GRIP1: variants seen among roughly 807,000 people sequenced by gnomAD.
GRIP1 encodes the protein glutamate receptor-interacting protein 1.
A neutral mutation model predicts 129.9 loss-of-function variants in GRIP1; 45 were observed. The observed-to-expected ratio is 0.35, with a 90% CI of 0.27 to 0.44. GRIP1 has a LOEUF of 0.44. GRIP1 is among the 20% of genes least tolerant of loss of function. The pLI is 1.00. For missense variants in GRIP1, 1,196 were observed against 1,396.8 expected, an observed-to-expected ratio of 0.86 and a Z score of 2.29; for synonymous variants, 530 against 520.8, an observed-to-expected ratio of 1.02 and a Z score of -0.24.
At chr12:66,988,101 T>A (rs2042340135) in intron 1 of GRIP1, among the ~76,000 whole-genome samples, 1 of 152,180 alleles carries the variant, frequency 6.6e-6, no homozygotes, top group South Asian at 2.1e-4. Context: ...AAGAGTTTCT[T>A]CTAGTAGCAA....
At chr12:66,643,345 A>C (rs1432740956) in intron 1 of GRIP1, among the ~76,000 whole-genome samples, 2 of 152,242 alleles carry the variant, frequency 1.3e-5, no homozygotes, top group Non-Finnish European at 2.9e-5. Context: ...TAAATATATT[A>C]GTGACAACTA....
At chr12:66,697,196 G>GA (rs1167519461) in intron 1 of GRIP1, among the ~76,000 whole-genome samples, 22 of 152,184 alleles carry the variant, frequency 1.4e-4, no homozygotes, top group African/African-American at 3.1e-4. Flanking sequence ...AATCTAAAGG[G>GA]AAAAAAGACC....
At chr12:66,391,742 T>C (rs1324012427) in intron 19 of GRIP1, among the ~76,000 whole-genome samples, 1 of 152,122 alleles carries the variant, frequency 6.6e-6, no homozygotes, top group Non-Finnish European at 1.5e-5. Flanking sequence ...TCTCAGCTAC[T>C]GAGGAGACTG....
At chr12:67,035,886 C>T (rs939836170) in intron 1 of GRIP1, among the ~76,000 whole-genome samples, 2 of 152,166 alleles carry the variant, frequency 1.3e-5, no homozygotes, top group Admixed American at 6.6e-5. Flanking sequence ...GTACCTCCTT[C>T]CCAAAGAGTA....
At chr12:66,948,132 G>A (rs1033876672) in intron 1 of GRIP1, among the ~76,000 whole-genome samples, 1 of 151,956 alleles carries the variant, frequency 6.6e-6, no homozygotes, top group East Asian at 1.9e-4. Context: ...CCAAGGCCAG[G>A]GTTTAAAGAA....
chr12:66,493,928 A>G (rs2060170601), intron 7 of GRIP1, among the ~76,000 whole-genome samples: 1 of 152,154 alleles, frequency 6.6e-6, no homozygotes, highest in Non-Finnish European at 1.5e-5. Context: ...CTAACACTTC[A>G]TTATGAAAAA....
chr12:66,650,760 C>T (rs984323521), intron 1 of GRIP1, among the ~76,000 whole-genome samples: 1 of 152,168 alleles, frequency 6.6e-6, no homozygotes, highest in African/African-American at 2.4e-5. Context: ...ACTCTTCCCT[C>T]AAACTACTAC....
chr12:66,883,999 T>G (rs1435502961), intron 1 of GRIP1, among the ~76,000 whole-genome samples: 3 of 152,244 alleles, frequency 2.0e-5, no homozygotes, highest in Non-Finnish European at 2.9e-5. Context: ...AGGGTGATCA[T>G]GCCAGTGCAC....
At chr12:66,829,640 G>T (rs1202644258) in intron 1 of GRIP1, among the ~76,000 whole-genome samples, 1 of 152,062 alleles carries the variant, frequency 6.6e-6, no homozygotes, top group African/African-American at 2.4e-5. Flanking sequence ...GAATGTTTTT[G>T]TCCAATAAGA....
chr12:66,651,289 G>A (rs928051513), intron 1 of GRIP1, among the ~76,000 whole-genome samples: 1 of 152,148 alleles, frequency 6.6e-6, no homozygotes, highest in African/African-American at 2.4e-5. Context: ...CCCTAAAGCA[G>A]GATCAATATT....
At chr12:66,392,259 A>G in intron 19 of GRIP1, 49 bp downstream of exon 19, 5 of 1,078,010 alleles carry the variant, frequency 4.6e-6, no homozygotes, top group Non-Finnish European at 7.2e-6. Flanking sequence ...TTGGAGAAGC[A>G]TGGGCTTCAA....
chr12:66,883,447 G>A (rs965445149), intron 1 of GRIP1, among the ~76,000 whole-genome samples: 1 of 152,166 alleles, frequency 6.6e-6, no homozygotes, highest in Non-Finnish European at 1.5e-5. Context: ...TAAGTAGAGA[G>A]GGACTGGGGT....
At chr12:66,635,219 A>G (rs1254738641) in intron 1 of GRIP1, among the ~76,000 whole-genome samples, 1 of 152,088 alleles carries the variant, frequency 6.6e-6, no homozygotes, top group Non-Finnish European at 1.5e-5. Flanking sequence ...GGGGTTCAAG[A>G]CAACCCTAGG....
chr12:66,580,976 CAG>C (rs2063353183), intron 2 of GRIP1, among the ~76,000 whole-genome samples: 4 of 152,220 alleles, frequency 2.6e-5, no homozygotes, highest in African/African-American at 9.7e-5. Context: ...CACCACACCA[CAG>C]CTATTCCAAA....
At chr12:66,710,638 A>G (rs7301904) in intron 1 of GRIP1, among the ~76,000 whole-genome samples, 2,405 of 152,086 alleles carry the variant, frequency 0.016, 53 homozygotes, top group African/African-American at 0.054. Flanking sequence ...GACCTTAAAT[A>G]CAAAGAAGAA....
At chr12:66,939,469 T>A (rs2041548178) in intron 1 of GRIP1, among the ~76,000 whole-genome samples, 1 of 152,148 alleles carries the variant, frequency 6.6e-6, no homozygotes, top group African/African-American at 2.4e-5. Context: ...GAGAGGTAAG[T>A]ATATACAACT....
At chr12:66,815,934 G>A (rs1223822698) in intron 1 of GRIP1, among the ~76,000 whole-genome samples, 2 of 150,930 alleles carry the variant, frequency 1.3e-5, no homozygotes, top group African/African-American at 2.4e-5. Context: ...AGGTTGAACT[G>A]TTACATGAGG....
At chr12:66,444,553 G>T in intron 13 of GRIP1, 31 bp downstream of exon 13, 1 of 1,489,266 alleles carries the variant, frequency 6.7e-7, no homozygotes, top group Non-Finnish European at 9.3e-7. Flanking sequence ...TAACTCACAT[G>T]CAGTCCACTC....
intron 1 of GRIP1, among the ~76,000 whole-genome samples, chr12:66,930,051 CTCTCTT>C (rs1398240619): frequency 7.7e-6 from 1 of 129,050 alleles, no homozygotes; most frequent in African/African-American, 2.9e-5. Context: ...CTCTCTCTCT[CTCTCTT>C]TTTTTTTTTT....
Sources: gnomAD v4.1 joint callset for allele counts (sites outside exome capture counted in the v4.1 genomes callset) on GRCh38, gnomAD v4.1.1 for gene constraint, MANE v1.5 for transcripts, NCBI Gene and HGNC (gene_info 2026-07-23, HGNC 2026-07-21) for gene names.